The following MAP4K3 variants were observed in gnomAD, a reference collection of about 807,000 sequenced individuals.
MAP4K3 encodes MAPK/ERK kinase kinase kinase 3.
Under a neutral mutation model 143.5 loss-of-function variants are expected in MAP4K3, and 94 were observed. That is an observed-to-expected ratio of 0.65 (90% CI 0.55 to 0.78). MAP4K3 has a LOEUF of 0.78. Ranked by LOEUF, MAP4K3 falls within the 30% of genes least tolerant of loss-of-function variation. MAP4K3 has a pLI of 0.00. For missense variants in MAP4K3, 1,077 were observed against 1,068.1 expected, an observed-to-expected ratio of 1.01 and a Z score of -0.12; for synonymous variants, 416 against 347.2, an observed-to-expected ratio of 1.20 and a Z score of -2.20.
At chr2:39,311,532 A>G (rs1242024771) in intron 13 of MAP4K3, among the ~76,000 whole-genome samples, 1 of 152,196 alleles carries the variant, frequency 6.6e-6, no homozygotes, top group Non-Finnish European at 1.5e-5. Context: ...TGACCAAAAG[A>G]CCAGAGCAGA....
intron 14 of MAP4K3, 48 bp from the exon 15 acceptor site, chr2:39,308,053 A>G (rs372721809): frequency 3.7e-6 from 5 of 1,333,800 alleles, no homozygotes; most frequent in Non-Finnish European, 5.2e-6. Context: ...CTTAGACTAA[A>G]AGCCACAAAT....
intron 1 of MAP4K3, among the ~76,000 whole-genome samples, chr2:39,421,565 G>A (rs1462656731): frequency 6.6e-6 from 1 of 151,872 alleles, no homozygotes; most frequent in Non-Finnish European, 1.5e-5. Context: ...CTGTAAAATG[G>A]AAATAACAAT....
In MAP4K3 at chr2:39,276,880, C is replaced by T. The variant is rs565695445; in HGVS notation, c.1794+1527G>A. On this transcript the variant is annotated intron_variant, in intron 24 of 33. Coordinates refer to ENST00000263881, the MANE Select transcript of MAP4K3 (RefSeq NM_003618.4). ...AATGGGGAATGACCACTAATGATTACGGAGGTTCTTTTGGAGATGATAAAA... is the reference window on the plus strand; with the variant it reads ...AATGGGGAATGACCACTAATGATTATGGAGGTTCTTTTGGAGATGATAAAA... Among the ~76,000 whole-genome samples the T allele has an allele frequency of 9.9e-4, 150 of 152,242 alleles. 1 individual carries two copies. Among genetic ancestry groups the T allele is most frequent in the African/African-American group, 3.2e-3 (131 of 41,556 alleles).
At chr2:39,402,237 T>C (rs969456829) in intron 1 of MAP4K3, among the ~76,000 whole-genome samples, 2 of 152,166 alleles carry the variant, frequency 1.3e-5, no homozygotes, top group Admixed American at 1.3e-4. Flanking sequence ...TAATAGAAAC[T>C]ACAGTCTTTT....
At chr2:39,424,096 A>G (rs1664979694) in intron 1 of MAP4K3, among the ~76,000 whole-genome samples, 1 of 152,124 alleles carries the variant, frequency 6.6e-6, no homozygotes, top group Non-Finnish European at 1.5e-5. Context: ...GATGTGTGCC[A>G]CCACACCCAG....
intron 8 of MAP4K3, among the ~76,000 whole-genome samples, chr2:39,330,920 G>A (rs1406870595): frequency 2.0e-5 from 3 of 152,138 alleles, no homozygotes; most frequent in African/African-American, 4.8e-5. Flanking sequence ...AAAGATGAAT[G>A]AAGAGAGCTA....
intron 29 of MAP4K3, among the ~76,000 whole-genome samples, chr2:39,258,989 G>A (rs887194447): frequency 1.3e-4 from 20 of 150,030 alleles, no homozygotes; most frequent in Admixed American, 1.2e-3. Flanking sequence ...CATCACCTGG[G>A]AATTTACAAA....
chr2:39,250,749 A>C (rs1558598851), intron 33 of MAP4K3, 44 bp from the exon 34 acceptor site: 16 of 1,534,936 alleles, frequency 1.0e-5, no homozygotes, highest in Non-Finnish European at 1.4e-5. Flanking sequence ...GTTATTCCTG[A>C]AAATTAATGT....
At chr2:39,263,407 G>C (rs1003769155) in intron 28 of MAP4K3, among the ~76,000 whole-genome samples, 5 of 149,756 alleles carry the variant, frequency 3.3e-5, no homozygotes, top group Non-Finnish European at 7.4e-5. Flanking sequence ...CGAGTAGCTG[G>C]GACTACAGGC....
rs370402746 is a variant in MAP4K3 at position 39,306,897 on chromosome 2, T to A, written c.1119+1046A>T. Among the ~76,000 whole-genome samples the A allele has an allele frequency of 3.2e-4, 49 of 152,352 alleles. 1 individual carries two copies. The East Asian group carries it at 3.7e-3, about 11-fold the overall frequency. ...CTACAGTACCTATTGTATGTTAGCT[T>A]CCCTCATCAACACTTGCCACCTGGC... On this transcript the variant is annotated intron_variant, in intron 15 of 33. Coordinates refer to ENST00000263881, the MANE Select transcript of MAP4K3 (RefSeq NM_003618.4).
intron 1 of MAP4K3, among the ~76,000 whole-genome samples, chr2:39,397,611 G>A (rs985296242): frequency 6.6e-6 from 1 of 152,072 alleles, no homozygotes; most frequent in Non-Finnish European, 1.5e-5. Flanking sequence ...AACTAGAAAG[G>A]CTGATTCTAA....
At chr2:39,294,924 T>A (rs1414352474) in intron 16 of MAP4K3, among the ~76,000 whole-genome samples, 1 of 152,014 alleles carries the variant, frequency 6.6e-6, no homozygotes, top group Non-Finnish European at 1.5e-5. Context: ...TTCTCATGAG[T>A]ATACACTGGA....
At position 39,292,115 on chromosome 2, in the gene MAP4K3, A is replaced by C. The variant is rs1280354368; in HGVS notation, c.1271+658T>G. Among the ~76,000 whole-genome samples, 5 of 152,142 alleles carry C rather than the reference A, an allele frequency of 3.3e-5. No individual in the cohort carries two copies. The East Asian group carries it at 9.6e-4, about 29-fold the overall frequency. ...CTTTAAAACTATATATTTACATCCAAAGTATTTGTTCACTTGAAATATAAC... is the reference window on the plus strand; with the variant it reads ...CTTTAAAACTATATATTTACATCCACAGTATTTGTTCACTTGAAATATAAC... On this transcript the variant is annotated intron_variant, in intron 18 of 33. Transcript: ENST00000263881.
intron 2 of MAP4K3, among the ~76,000 whole-genome samples, chr2:39,376,310 T>C (rs572032593): frequency 3.3e-5 from 5 of 152,298 alleles, no homozygotes; most frequent in Admixed American, 2.6e-4. Flanking sequence ...GTAGCTGTAA[T>C]AGAGGAAACA....
chr2:39,298,023 T>C (rs1369323983), intron 16 of MAP4K3, among the ~76,000 whole-genome samples: 1 of 152,208 alleles, frequency 6.6e-6, no homozygotes, highest in South Asian at 2.1e-4. Flanking sequence ...GTACTTTGCA[T>C]GTACAGATTT....
At chr2:39,396,503 A>T (rs1280991819) in intron 1 of MAP4K3, among the ~76,000 whole-genome samples, 2 of 146,186 alleles carry the variant, frequency 1.4e-5, no homozygotes, top group Non-Finnish European at 3.0e-5. Context: ...TTTTTTAAGC[A>T]GAGTCTCACT....
At chr2:39,257,091 C>T (rs138883370) in intron 31 of MAP4K3, among the ~76,000 whole-genome samples, 1 of 152,268 alleles carries the variant, frequency 6.6e-6, no homozygotes, top group East Asian at 1.9e-4. Context: ...ATGTAGAAAA[C>T]AGAACCAGGA....
chr2:39,380,907 T>C (rs1368415420), intron 1 of MAP4K3, among the ~76,000 whole-genome samples: 1 of 152,158 alleles, frequency 6.6e-6, no homozygotes, highest in Non-Finnish European at 1.5e-5. Flanking sequence ...GTAACTATAC[T>C]AACTAATTTT....
At chr2:39,364,445 T>TG (rs568768068) in intron 2 of MAP4K3, among the ~76,000 whole-genome samples, 13 of 152,314 alleles carry the variant, frequency 8.5e-5, no homozygotes, top group African/African-American at 2.9e-4. Context: ...CTAAAATATT[T>TG]GAAGAGATTT....
Sources: gnomAD v4.1 joint callset for allele counts (sites outside exome capture counted in the v4.1 genomes callset) on GRCh38, gnomAD v4.1.1 for gene constraint, MANE v1.5 for transcripts, NCBI Gene and HGNC (gene_info 2026-07-23, HGNC 2026-07-21) for gene names.